KIF1A: variants seen among roughly 807,000 people sequenced by gnomAD.
KIF1A encodes kinesin family member 1A, also known as kinesin-like protein KIF1A.
A neutral mutation model predicts 227.3 loss-of-function variants in KIF1A; 46 were observed. The ratio of observed to expected loss-of-function variants is 0.20; its 90% CI spans 0.16 to 0.26. The LOEUF (loss-of-function observed/expected upper bound fraction) is 0.26, where lower values mean the gene tolerates loss of function less well. KIF1A is among the 10% of genes least tolerant of loss of function. The pLI is 1.00. For missense variants in KIF1A, 1,683 were observed against 2,485.9 expected (o/e 0.68, Z 6.87); for synonymous variants, 1,022 against 1,012.8 (o/e 1.01, Z -0.17).
intron 23 of KIF1A, among the ~76,000 whole-genome samples, chr2:240,762,116 G>C (rs1252913352): frequency 6.6e-6 from 1 of 152,020 alleles, no homozygotes; most frequent in East Asian, 1.9e-4. Context: ...CTGGGTAAAT[G>C]AGGCCAAACA....
At chr2:240,818,921 G>C (rs1164364598) in intron 1 of KIF1A, 1 of 152,330 alleles carries the variant, frequency 6.6e-6, no homozygotes, top group East Asian at 1.9e-4. Context: ...GGAAAGGGCT[G>C]ACGCTTGGGG....
chr2:240,753,063 G>A (rs1194598510), intron 27 of KIF1A, among the ~76,000 whole-genome samples: 6 of 152,212 alleles, frequency 3.9e-5, no homozygotes, highest in Admixed American at 3.9e-4. Flanking sequence ...CCTGGGCTCT[G>A]GGGCCATCCA....
intron 28 of KIF1A, among the ~76,000 whole-genome samples, 172 bp downstream of exon 28, chr2:240,750,257 A>C (rs1306040981): frequency 2.0e-5 from 3 of 152,116 alleles, no homozygotes; most frequent in Non-Finnish European, 4.4e-5. Flanking sequence ...GACAGCGTGG[A>C]AAAACAGCTT....
chr2:240,753,436 A>C (rs2049454873), intron 27 of KIF1A, among the ~76,000 whole-genome samples: 1 of 152,168 alleles, frequency 6.6e-6, no homozygotes, highest in Admixed American at 6.5e-5. Flanking sequence ...CATGTTGCCA[A>C]CTGTGGGCTC....
Position 240,717,630 on chromosome 2 carries a change from AG to A in KIF1A, c.5334-225del, listed in dbSNP as rs532488698. Reference sequence around the variant, plus strand: ...CCGCTTTTCACATCCCTGCTGTGGGAGGGACCAGCTCCTTCCGCAGCCTGCC... The same window carrying A: ...CCGCTTTTCACATCCCTGCTGTGGGAGGACCAGCTCCTTCCGCAGCCTGCC... On this transcript the variant is annotated intron_variant, in intron 48 of 48. Transcript: ENST00000498729. Among the ~76,000 whole-genome samples the A allele has an allele frequency of 3.3e-5, 5 of 152,290 alleles. No homozygotes were observed. The South Asian group carries it at 1.0e-3, about 32-fold the overall frequency.
intron 7 of KIF1A, 64 bp from the exon 8 acceptor site, chr2:240,783,880 C>A: frequency 2.3e-6 from 3 of 1,292,844 alleles, no homozygotes; most frequent in Non-Finnish European, 3.3e-6. Context: ...TCCCAGGACC[C>A]CTGGGCAAGG....
Position 240,715,107 on chromosome 2 carries a change from G to C in KIF1A, c.*2257C>G, listed in dbSNP as rs11547136. On this transcript the variant is annotated 3_prime_UTR_variant, in exon 49 of 49. Transcript: ENST00000498729. The stretch of plus-strand genomic sequence containing the variant: ...GCCTCCTCTAGCCTGCCTGGGGCCC[G>C]TGGGGCTCCCCCTCATCTCAGACCA... 1 of 152,434 alleles carries C rather than the reference G, an allele frequency of 6.6e-6. No homozygotes were observed. Among genetic ancestry groups the C allele is most frequent in the Non-Finnish European group, 1.5e-5 (1 of 68,102 alleles). The allele number at this position is 152,434 out of a possible 1,614,324, so 9.4% of individuals were successfully genotyped here.
chr2:240,755,001 C>T (rs1053285684), intron 27 of KIF1A, among the ~76,000 whole-genome samples: 4 of 152,230 alleles, frequency 2.6e-5, no homozygotes, highest in Admixed American at 2.0e-4. Context: ...TTATCCCAGG[C>T]AGTCAGCCTC....
Position 240,797,663 on chromosome 2 carries a change from C to T in KIF1A, c.90G>A (p.Met30Ile), listed in dbSNP as rs1184065121. 4.3e-6 allele frequency: 7 copies of T among 1,611,716 alleles called. No individual in the cohort carries two copies. The highest frequency in any genetic ancestry group is 1.7e-5 in the Admixed American group (1 of 59,964). ...MSRDSKCIIQ[M>I]SGSTTTIVNP... The stretch of plus-strand genomic sequence containing the variant: ...GATACTCACTGGTGGTGCTTCCAGA[C>T]ATCTGAATGATGCACTTGGAGTCAC... The change falls in exon 2 of 49, where the codon ATG (methionine) becomes ATA (isoleucine). Residue 30 changes from methionine (M) to isoleucine (I), a missense_variant. This residue lies in a region of KIF1A where 71 missense variants were observed against 129.1 expected (regional missense o/e 0.55). Transcript: ENST00000498729.
chr2:240,769,827 A>T (rs141398813), intron 15 of KIF1A, 121 bp from the exon 16 acceptor site: 3 of 718,378 alleles, frequency 4.2e-6, no homozygotes, highest in Non-Finnish European at 7.0e-6. Flanking sequence ...TGGGCCCGAC[A>T]AGGCAACGAG....
Position 240,719,886 on chromosome 2 carries a change from C to T in KIF1A, c.4909G>A (p.Glu1637Lys), listed in dbSNP as rs377032453. The change falls in exon 46 of 49, where the codon GAG becomes AAG. Residue 1637 changes from glutamate (E) to lysine (K), a missense_variant. Glu to Lys is a moderately conservative substitution (Grantham distance 56, BLOSUM62 1). Transcript: ENST00000498729. ...TTGGAGTCGGCCTCTGGCAGCAGCT[C>T]GGGCTCTGGGCTGGCTGGCCGGGAG... ...PCSRPASPEP[E>K]LLPEADSKKL... 6.2e-5 allele frequency: 100 copies of T among 1,611,692 alleles called. No homozygotes were observed. Among genetic ancestry groups the T allele is most frequent in the Middle Eastern group, 1.7e-4 (1 of 5,726 alleles).
intron 9 of KIF1A, 81 bp from the exon 10 acceptor site, chr2:240,782,688 G>A (rs1363888899): frequency 4.9e-6 from 7 of 1,425,436 alleles, no homozygotes; most frequent in Admixed American, 2.0e-5. Context: ...CAGGCGGCCC[G>A]GCTGCCTCGC....
At chr2:240,787,187 C>T in intron 5 of KIF1A, 64 bp downstream of exon 5, 3 of 1,321,880 alleles carry the variant, frequency 2.3e-6, no homozygotes, top group Non-Finnish European at 3.3e-6. Context: ...ATCAGAAAAG[C>T]ACTGCCAGCC....
At chr2:240,782,176 TC>T (rs1223434670) in intron 10 of KIF1A, 55 of 984,938 alleles carry the variant, frequency 5.6e-5, no homozygotes, top group Middle Eastern at 1.0e-3. Context: ...CGCGCCCGCC[TC>T]CCCCTGTGGC....
chr2:240,811,378 G>GAAGAA lies in KIF1A; in HGVS notation c.-61+8739_-61+8743dup, dbSNP rs372471687. 7.3e-3 allele frequency among the ~76,000 whole-genome samples: 1,118 copies of GAAGAA among 152,182 alleles called. 13 individuals carry two copies. The highest frequency in any genetic ancestry group is 0.024 in the African/African-American group (998 of 41,502). The stretch of plus-strand genomic sequence containing the variant: ...AGACTCCATCTCAAAAAAAAGAAAA[G>GAAGAA]AAGAAAAGAAAAGAAAAGAAACTAT... On this transcript the variant is annotated intron_variant, in intron 1 of 48. Coordinates refer to ENST00000498729, the MANE Select transcript of KIF1A (RefSeq NM_001244008.2).
chr2:240,751,584 C>T (rs577748183), intron 27 of KIF1A, among the ~76,000 whole-genome samples: 9 of 152,270 alleles, frequency 5.9e-5, no homozygotes, highest in Middle Eastern at 3.4e-3. Context: ...AGTTCCACCT[C>T]AAAAGTCTTC....
chr2:240,720,845 G>C, intron 45 of KIF1A, 69 bp downstream of exon 45: 1 of 1,474,050 alleles, frequency 6.8e-7, no homozygotes, highest in Non-Finnish European at 9.1e-7. Flanking sequence ...CTCTGTGCCC[G>C]AGTCACGGCC....
rs542427011 is a variant in KIF1A at position 240,745,824 on chromosome 2, G to A, written c.3288C>T (p.Arg1096=). ...GPLDAALDHL[R]LGNTFTFRVT... ...CACGGAAGGTGAAGGTGTTGCCCAG[G>A]CGGAGGTGGTCCAGGGCAGCATCCA... The change falls in exon 31 of 49, where the codon CGC becomes CGT. Residue 1096 remains arginine (R), a synonymous_variant. Coordinates refer to ENST00000498729, the MANE Select transcript of KIF1A (RefSeq NM_001244008.2). 1.5e-5 allele frequency: 25 copies of A among 1,613,004 alleles called. No homozygotes were observed. The highest frequency in any genetic ancestry group is 1.7e-4 in the Middle Eastern group (1 of 6,060).
intron 27 of KIF1A, among the ~76,000 whole-genome samples, chr2:240,753,393 G>A (rs191942185): frequency 1.3e-5 from 2 of 152,348 alleles, no homozygotes; most frequent in East Asian, 3.9e-4. Flanking sequence ...AACAAACGCT[G>A]TGTGGAACTG....
Sources: allele counts gnomAD v4.1 joint callset (sites outside exome capture counted in the v4.1 genomes callset), GRCh38; gene constraint gnomAD v4.1.1; regional missense constraint gnomAD v4.1.1; transcripts MANE v1.5; gene names NCBI Gene and HGNC (gene_info 2026-07-23, HGNC 2026-07-21).